Variants in CD300LG observed in about 807,000 individuals in gnomAD.
CD300LG encodes the protein CD300 molecule like family member g, also known as CMRF35-like molecule 9.
CD300LG carries 29 observed loss-of-function variants against 31.5 expected under a neutral mutation model. That is an observed-to-expected ratio of 0.92 (90% CI 0.68 to 1.25). The LOEUF (loss-of-function observed/expected upper bound fraction) is 1.25. CD300LG is among the 50% of genes most tolerant of loss of function. The probability of loss-of-function intolerance (pLI) is 0.00; values close to 1 mark genes in which losing one functional copy is unlikely to be tolerated. For synonymous variants in CD300LG, 175 were observed against 177.2 expected, an observed-to-expected ratio of 0.99 and a Z score of 0.10; for missense variants, 396 against 417.6, an observed-to-expected ratio of 0.95 and a Z score of 0.45.
intron 1 of CD300LG, among the ~76,000 whole-genome samples, chr17:43,848,138 A>C (rs2046238270): frequency 1.3e-5 from 2 of 152,128 alleles, no homozygotes; most frequent in African/African-American, 4.8e-5. Flanking sequence ...GGTACTCAGG[A>C]GGCTGAGGCA....
At position 43,860,956 on chromosome 17, in the gene CD300LG, A is replaced by G. The variant is rs1045574433; in HGVS notation, c.886-842A>G. On this transcript the variant is annotated intron_variant, in intron 6 of 6. Coordinates refer to ENST00000317310, the MANE Select transcript of CD300LG (RefSeq NM_145273.4). The stretch of plus-strand genomic sequence containing the variant: ...GGTGAGACAGCTTGTCCTTCCTTGG[A>G]CAAGACAGGAAGGAAGGAAGTGGCA... Among the ~76,000 whole-genome samples the G allele has an allele frequency of 3.3e-4, 50 of 152,278 alleles. No individual in the cohort carries two copies. In the East Asian group the frequency reaches 9.7e-3, roughly 29 times the overall value.
At position 43,853,980 on chromosome 17, in the gene CD300LG, C is replaced by T. The variant is rs1284874538; in HGVS notation, c.655C>T (p.Gln219Ter). The T allele has an allele frequency of 6.2e-7, 1 of 1,614,232 alleles. No homozygotes were observed. The highest frequency in any genetic ancestry group is 8.5e-7 in the Non-Finnish European group (1 of 1,180,020). ...PPAGSSRPPM[Q>*]LDSTSAEDTS... ...TGCAGGGAGCTCCCGCCCCCCCATGCAGCTGGACTCCACCTCAGCAGAGGA... is the reference window on the plus strand; with the variant it reads ...TGCAGGGAGCTCCCGCCCCCCCATGTAGCTGGACTCCACCTCAGCAGAGGA... Residue 219 changes from glutamine to a stop codon, truncating the protein, a stop_gained, in exon 4 of 7, where the codon CAG (glutamine) becomes TAG (stop). Coordinates refer to ENST00000317310, the MANE Select transcript of CD300LG (RefSeq NM_145273.4). LOFTEE classifies it high-confidence loss of function.
At chr17:43,858,077 C>A in intron 6 of CD300LG, 1 of 1,414,828 alleles carries the variant, frequency 7.1e-7, no homozygotes, top group Non-Finnish European at 9.2e-7. Context: ...TGCCTCCACT[C>A]CATTCCTTTA....
Position 43,861,853 on chromosome 17 carries a change from T to A in CD300LG, c.941T>A (p.Met314Lys). The A allele has an allele frequency of 6.2e-7, 1 of 1,612,828 alleles. No homozygotes were observed. Among genetic ancestry groups the A allele is most frequent in the East Asian group, 2.2e-5 (1 of 44,710 alleles). ...SQAPEGDVIS[M>K]PPLHTSEEEL... ...GCCCCTGAGGGGGACGTGATCTCGATGCCTCCCCTCCACACATCTGAGGAG... is the reference window on the plus strand; with the variant it reads ...GCCCCTGAGGGGGACGTGATCTCGAAGCCTCCCCTCCACACATCTGAGGAG... The change falls in exon 7 of 7, where the codon ATG (methionine) becomes AAG (lysine). Residue 314 changes from methionine to lysine, a missense_variant. Met to Lys is a moderately conservative substitution (Grantham distance 95). Coordinates refer to ENST00000317310, the MANE Select transcript of CD300LG (RefSeq NM_145273.4).
In CD300LG at chr17:43,848,243, AAAACAAAC is replaced by A. The variant is rs71361549; in HGVS notation, c.44-299_44-292del. ...GGCGGCAAAGTGAGACTCCATCTCA[AAAACAAAC>A]AAACAAACAAACAAAACAAAACAAA... On this transcript the variant is annotated intron_variant, in intron 1 of 6. Transcript: ENST00000317310. Among the ~76,000 whole-genome samples, 309 of 152,006 alleles carry A rather than the reference AAAACAAAC, an allele frequency of 2.0e-3. 1 individual carries two copies. The highest frequency in any genetic ancestry group is 1.9e-3 in the Non-Finnish European group (129 of 67,998).
chr17:43,852,862 G>A lies in CD300LG; in HGVS notation c.380-50G>A, dbSNP rs138269230. 10 of 1,430,644 alleles carry A rather than the reference G, an allele frequency of 7.0e-6. No individual in the cohort carries two copies. The East Asian group carries it at 1.4e-4, about 21-fold the overall frequency. 88.6% of individuals were successfully genotyped at this position (1,430,644 alleles called of 1,614,324 possible). Reference sequence around the variant, plus strand: ...GCCAGCTGCTCCCAAGGAAGGAAAAGGGGTTCAGAGCGGTGCCACCCCTGA... The same window carrying A: ...GCCAGCTGCTCCCAAGGAAGGAAAAAGGGTTCAGAGCGGTGCCACCCCTGA... On this transcript the variant is annotated intron_variant, in intron 2 of 6. Transcript: ENST00000317310.
chr17:43,854,054 A>C lies in CD300LG; in HGVS notation c.719+10A>C. On this transcript the variant is annotated intron_variant, in intron 4 of 6. Transcript: ENST00000317310. ...GCAGCTCTAAGCCCAGGTGAGCCCC[A>C]GGTGACCAACATCCCCTTTCAAGCC... 3 of 1,599,542 alleles carry C rather than the reference A, an allele frequency of 1.9e-6. No homozygotes were observed. Among genetic ancestry groups the C allele is most frequent in the Non-Finnish European group, 2.6e-6 (3 of 1,167,610 alleles).
intron 6 of CD300LG, among the ~76,000 whole-genome samples, chr17:43,860,033 G>A (rs1176492799): frequency 6.6e-6 from 1 of 152,174 alleles, no homozygotes; most frequent in Non-Finnish European, 1.5e-5. Flanking sequence ...ACCACACCCA[G>A]GCTTCATCTT....
At chr17:43,858,400 G>T in intron 6 of CD300LG, 1 of 985,464 alleles carries the variant, frequency 1.0e-6, no homozygotes, top group South Asian at 4.7e-5. Flanking sequence ...GAGGGGCTGG[G>T]GTCCAAGGAG....
At chr17:43,851,212 G>T (rs149909513) in intron 2 of CD300LG, among the ~76,000 whole-genome samples, 2 of 147,742 alleles carry the variant, frequency 1.4e-5, no homozygotes, top group African/African-American at 5.0e-5. Context: ...ATTTGCAAAA[G>T]ATTTGATCAT....
intron 3 of CD300LG, among the ~76,000 whole-genome samples, chr17:43,853,500 T>C (rs1262404903): frequency 2.0e-5 from 3 of 151,924 alleles, no homozygotes; most frequent in African/African-American, 4.8e-5. Context: ...GTCCACTGAA[T>C]GGTCACTGGA....
chr17:43,861,897 T>C lies in CD300LG; in HGVS notation c.985T>C (p.Phe329Leu), dbSNP rs780694592. Residue 329 changes from phenylalanine (F) to leucine (L), a missense_variant, in exon 7 of 7, where the codon TTT becomes CTT. Transcript: ENST00000317310. ...TGAGGAGGAGCTGGGCTTCTCGAAG[T>C]TTGTCTCAGCGTAGGGCAGGAGGCC... ...TSEEELGFSK[F>L]VSA 1 of 1,610,194 alleles carries C rather than the reference T, an allele frequency of 6.2e-7. No homozygotes were observed. Among genetic ancestry groups the C allele is most frequent in the Non-Finnish European group, 8.5e-7 (1 of 1,178,566 alleles).
rs1281374070 is a variant in CD300LG at position 43,853,020 on chromosome 17, G to A, written c.481+7G>A. ...ACCCAGCCCCCAGGATTGAGTGAGT[G>A]AATGGCAATTCCGCCCCTTCCCTTG... On this transcript the variant is annotated splice_region_variant and intron_variant, in intron 3 of 6. Coordinates refer to ENST00000317310, the MANE Select transcript of CD300LG (RefSeq NM_145273.4). The A allele has an allele frequency of 6.2e-7, 1 of 1,606,034 alleles. No individual in the cohort carries two copies. Among genetic ancestry groups the A allele is most frequent in the Admixed American group, 1.7e-5 (1 of 59,172 alleles).
chr17:43,851,640 ATTTTTT>A (rs60784804), intron 2 of CD300LG, among the ~76,000 whole-genome samples: 8 of 111,870 alleles, frequency 7.2e-5, no homozygotes, highest in East Asian at 5.1e-4. Flanking sequence ...GAGGACAGGA[ATTTTTT>A]TTTTTTTTTT....
chr17:43,852,748 A>G (rs569551446), intron 2 of CD300LG, among the ~76,000 whole-genome samples, 164 bp from the exon 3 acceptor site: 1 of 152,342 alleles, frequency 6.6e-6, no homozygotes, highest in Admixed American at 6.5e-5. Context: ...GTAGAAGACC[A>G]GGGATCTGCT....
chr17:43,855,359 G>A, intron 5 of CD300LG, 40 bp downstream of exon 5: 1 of 1,311,336 alleles, frequency 7.6e-7, no homozygotes. Context: ...GAGGCTCACT[G>A]GGCCAGGGAC....
chr17:43,856,276 C>T (rs2046518189), intron 5 of CD300LG, among the ~76,000 whole-genome samples: 1 of 152,192 alleles, frequency 6.6e-6, no homozygotes, highest in Non-Finnish European at 1.5e-5. Flanking sequence ...ATTTCAGTGC[C>T]TGATGGCCAT....
intron 6 of CD300LG, chr17:43,858,609 G>A (rs2046590244): frequency 1.0e-6 from 1 of 985,326 alleles, no homozygotes; most frequent in Non-Finnish European, 1.2e-6. Context: ...ATGGAACAGG[G>A]CCTCCCAAGA....
chr17:43,857,796 C>A (rs1483551955), intron 6 of CD300LG: 1 of 1,537,170 alleles, frequency 6.5e-7, no homozygotes, highest in Non-Finnish European at 8.7e-7. Context: ...CCAGAACTCC[C>A]TGATGTTTTC....
Sources: gnomAD v4.1 joint callset for allele counts (sites outside exome capture counted in the v4.1 genomes callset) on GRCh38, gnomAD v4.1.1 for gene constraint, MANE v1.5 for transcripts, NCBI Gene and HGNC (gene_info 2026-07-23, HGNC 2026-07-21) for gene names.